ERG28: variants seen among roughly 807,000 people sequenced by gnomAD.
ERG28 encodes the protein ergosterol biosynthetic protein 28 homolog.
ERG28 carries 9 observed loss-of-function variants against 15.7 expected under a neutral mutation model. That is an observed-to-expected ratio of 0.57 (90% CI 0.35 to 1.00). ERG28 has a LOEUF of 1.00. ERG28 is among the 50% of genes least tolerant of loss of function. The pLI is 0.02. For synonymous variants in ERG28, 61 were observed against 68.4 expected (o/e 0.89, Z 0.53); for missense variants, 117 against 173.3 (o/e 0.68, Z 1.82).
intron 2 of ERG28, among the ~76,000 whole-genome samples, chr14:75,656,279 A>AACACACAC (rs34053718): frequency 0.04 from 5,463 of 135,896 alleles, 128 homozygotes; most frequent in Non-Finnish European, 0.053. Context: ...GTGCTGGCTG[A>AACACACAC]ACACACACAC....
At chr14:75,653,759 C>T (rs1183186284) in intron 3 of ERG28, among the ~76,000 whole-genome samples, 1 of 151,964 alleles carries the variant, frequency 6.6e-6, no homozygotes, top group Non-Finnish European at 1.5e-5. Context: ...TCTTAGTCAC[C>T]CTGAGAGGTA....
chr14:75,651,720 T>C, intron 4 of ERG28, 51 bp downstream of exon 4: 1 of 1,592,930 alleles, frequency 6.3e-7, no homozygotes, highest in South Asian at 1.1e-5. Context: ...CTGTACTAGC[T>C]CTAGAGCTGG....
chr14:75,651,143 C>CGCCGTATCATTA lies in ERG28; in HGVS notation c.*411_*412insTAATGATACGGC. 1 of 163,950 alleles carries CGCCGTATCATTA rather than the reference C, an allele frequency of 6.1e-6. No individual in the cohort carries two copies. The highest frequency in any genetic ancestry group is 1.4e-5 in the Non-Finnish European group (1 of 73,930). The allele number at this position is 163,950 out of a possible 1,614,324, so 10.2% of individuals were successfully genotyped here. A position where few individuals can be genotyped will look rare whatever the true frequency, so the allele number is the denominator to read the frequency against. On this transcript the variant is annotated 3_prime_UTR_variant, in exon 5 of 5. Coordinates refer to ENST00000256319, the MANE Select transcript of ERG28 (RefSeq NM_007176.4). Reference sequence around the variant, plus strand: ...ACAACCCCTTGAGGCAGCCCTTGGTCACAGCTGCTCTGGGTGGGCAGCAGG... The same window carrying CGCCGTATCATTA: ...ACAACCCCTTGAGGCAGCCCTTGGTCGCCGTATCATTAACAGCTGCTCTGGGTGGGCAGCAGG...
At chr14:75,653,809 A>G (rs746102312) in intron 3 of ERG28, among the ~76,000 whole-genome samples, 15 of 152,146 alleles carry the variant, frequency 9.9e-5, no homozygotes, top group Non-Finnish European at 2.1e-4. Flanking sequence ...GAAGAGGCCA[A>G]GGTGCAAGGA....
At chr14:75,655,038 C>T in intron 2 of ERG28, 62 bp from the exon 3 acceptor site, 1 of 1,496,086 alleles carries the variant, frequency 6.7e-7, no homozygotes, top group Non-Finnish European at 9.3e-7. Context: ...TTCCAAACTC[C>T]TCCTATTTCA....
At chr14:75,656,592 A>G (rs1890601167) in intron 2 of ERG28, among the ~76,000 whole-genome samples, 1 of 152,240 alleles carries the variant, frequency 6.6e-6, no homozygotes, top group Admixed American at 6.5e-5. Context: ...CACTGCAGAA[A>G]AACGAGCTAG....
intron 2 of ERG28, among the ~76,000 whole-genome samples, chr14:75,655,834 C>T (rs993361587): frequency 9.2e-5 from 14 of 152,132 alleles, no homozygotes; most frequent in African/African-American, 3.4e-4. Context: ...TCCAGTGGCT[C>T]GGGGATGCCA....
intron 1 of ERG28, among the ~76,000 whole-genome samples, chr14:75,659,426 T>C (rs905962569): frequency 2.0e-5 from 3 of 152,156 alleles, no homozygotes; most frequent in African/African-American, 7.2e-5. Context: ...GGCATAGTCA[T>C]GGCTCATTGC....
intron 1 of ERG28, 33 bp downstream of exon 1, chr14:75,660,742 C>G (rs566655601): frequency 6.9e-4 from 105 of 152,394 alleles, no homozygotes; most frequent in Non-Finnish European, 1.0e-3. Context: ...ACACAGACAC[C>G]TACATCCCTC....
chr14:75,657,388 T>G lies in ERG28; in HGVS notation c.115A>C (p.Thr39Pro). The G allele has an allele frequency of 6.2e-7, 1 of 1,614,116 alleles. No homozygotes were observed. Among genetic ancestry groups the G allele is most frequent in the Non-Finnish European group, 8.5e-7 (1 of 1,179,986 alleles). ...TTCTTACCAAGGTTTGGCTTGCCAG[T>G]GTAGAGCTTTTCATAGAGAAAAGTG... ...DHTFLYEKLY[T>P]GKPNLVNGLQ... Residue 39 changes from threonine (T) to proline (P), a missense_variant, in exon 2 of 5, where the codon ACT becomes CCT. Thr to Pro is a conservative substitution (Grantham distance 38, BLOSUM62 -1). Transcript: ENST00000256319.
In ERG28 at chr14:75,655,090, T is replaced by C. The variant is rs184120611; in HGVS notation, c.134-114A>G. 4.8e-4 allele frequency: 481 copies of C among 1,004,314 alleles called. 1 individual carries two copies. In the African/African-American group the frequency reaches 7.0e-3, roughly 15 times the overall value. 62.2% of individuals were successfully genotyped at this position (1,004,314 alleles called of 1,614,324 possible). On this transcript the variant is annotated intron_variant, in intron 2 of 4. Coordinates refer to ENST00000256319, the MANE Select transcript of ERG28 (RefSeq NM_007176.4). ...GATAGGGAGCTGGACCTGACCTCTC[T>C]GTGGCTGGGCAGGATGGAGGTCCTA...
At chr14:75,657,901 A>C (rs145662127) in intron 1 of ERG28, among the ~76,000 whole-genome samples, 1 of 152,254 alleles carries the variant, frequency 6.6e-6, no homozygotes, top group African/African-American at 2.4e-5. Context: ...GAACTTTATA[A>C]ATTTGAGTAG....
chr14:75,652,597 A>G (rs991904891), intron 3 of ERG28, among the ~76,000 whole-genome samples: 1 of 152,184 alleles, frequency 6.6e-6, no homozygotes, highest in African/African-American at 2.4e-5. Context: ...ATACAAAAAA[A>G]TTACTGAACA....
chr14:75,657,398 T>C lies in ERG28; in HGVS notation c.105A>G (p.Glu35=). The C allele has an allele frequency of 1.2e-6, 2 of 1,613,636 alleles. No homozygotes were observed. Among genetic ancestry groups the C allele is most frequent in the Non-Finnish European group, 1.7e-6 (2 of 1,179,844 alleles). Residue 35 remains glutamate (E), a synonymous_variant, in exon 2 of 5, where the codon GAA becomes GAG. Coordinates refer to ENST00000256319, the MANE Select transcript of ERG28 (RefSeq NM_007176.4). The stretch of plus-strand genomic sequence containing the variant: ...GGTTTGGCTTGCCAGTGTAGAGCTT[T>C]TCATAGAGAAAAGTGTGGTCTCGGA... ...QSFRDHTFLY[E]KLYTGKPNLV...
At chr14:75,655,080 C>A in intron 2 of ERG28, 104 bp from the exon 3 acceptor site, 1 of 1,107,660 alleles carries the variant, frequency 9.0e-7, no homozygotes, top group South Asian at 1.2e-5. Flanking sequence ...GGAGCTGGAC[C>A]TGACCTCTCT....
chr14:75,658,790 C>T (rs1176479041), intron 1 of ERG28, among the ~76,000 whole-genome samples: 2 of 152,072 alleles, frequency 1.3e-5, no homozygotes, highest in African/African-American at 2.4e-5. Context: ...TGAAGCTCTA[C>T]CCCAAACCCT....
rs922850717 is a variant in ERG28, at chr14:75,651,493, G to A, written c.*62C>T. 2.0e-6 allele frequency: 3 copies of A among 1,468,972 alleles called. No homozygotes were observed. Among genetic ancestry groups the A allele is most frequent in the African/African-American group, 2.8e-5 (2 of 71,326 alleles). 91.0% of individuals were successfully genotyped at this position (1,468,972 alleles called of 1,614,324 possible). A position where few individuals can be genotyped will look rare whatever the true frequency, so the allele number is the denominator to read the frequency against. ...AGAAAAGAAATTAAAGAGGAGAGACGACGAAGGAAGAAGATGGCCAAGGTG... is the reference window on the plus strand; with the variant it reads ...AGAAAAGAAATTAAAGAGGAGAGACAACGAAGGAAGAAGATGGCCAAGGTG... On this transcript the variant is annotated 3_prime_UTR_variant, in exon 5 of 5. Coordinates refer to ENST00000256319, the MANE Select transcript of ERG28 (RefSeq NM_007176.4).
At chr14:75,652,115 A>G (rs1323057780) in intron 3 of ERG28, among the ~76,000 whole-genome samples, 3 of 152,256 alleles carry the variant, frequency 2.0e-5, no homozygotes, top group African/African-American at 7.2e-5. Flanking sequence ...TGGTTCAGGC[A>G]TCCAGAATGA....
At position 75,649,910 on chromosome 14, in the gene ERG28, T is replaced by C. The variant is rs902056066; in HGVS notation, c.*1645A>G. The C allele has an allele frequency of 2.0e-5, 3 of 152,260 alleles. No homozygotes were observed. Among genetic ancestry groups the C allele is most frequent in the African/African-American group, 7.2e-5 (3 of 41,432 alleles). The allele number at this position is 152,260 out of a possible 1,614,324, so 9.4% of individuals were successfully genotyped here. A position where few individuals can be genotyped will look rare whatever the true frequency, so the allele number is the denominator to read the frequency against. ...GGCCTGCTCCATATCTTAAGACATT[T>C]AACTCCTGGGCATTCAAGTCTCAGC... On this transcript the variant is annotated 3_prime_UTR_variant, in exon 5 of 5. Coordinates refer to ENST00000256319, the MANE Select transcript of ERG28 (RefSeq NM_007176.4).
Sources: gnomAD v4.1 joint callset for allele counts (sites outside exome capture counted in the v4.1 genomes callset) on GRCh38, gnomAD v4.1.1 for gene constraint, MANE v1.5 for transcripts, NCBI Gene and HGNC (gene_info 2026-07-23, HGNC 2026-07-21) for gene names.